RFX2: variants seen among roughly 807,000 people sequenced by gnomAD.
The protein encoded by RFX2 is regulatory factor X2.
In RFX2, 20 loss-of-function variants were observed where a neutral mutation model predicts 87.8. The ratio of observed to expected loss-of-function variants is 0.23; its 90% CI spans 0.16 to 0.33. The LOEUF (loss-of-function observed/expected upper bound fraction) is 0.33, where lower values mean the gene tolerates loss of function less well. Among genes scored for constraint, RFX2 ranks in the 10% least tolerant of loss-of-function variants. RFX2 has a pLI of 1.00. For synonymous variants in RFX2, 397 were observed against 431.3 expected, an observed-to-expected ratio of 0.92 and a Z score of 0.98; for missense variants, 767 against 1,012.3, an observed-to-expected ratio of 0.76 and a Z score of 3.29.
At chr19:6,104,036 G>A (rs559306482) in intron 1 of RFX2, among the ~76,000 whole-genome samples, 16 of 152,056 alleles carry the variant, frequency 1.1e-4, no homozygotes, top group South Asian at 4.2e-4. Flanking sequence ...TATTATTATC[G>A]ATTTCACAGA....
chr19:6,042,561 C>T (rs1481528624), intron 3 of RFX2, among the ~76,000 whole-genome samples: 1 of 152,084 alleles, frequency 6.6e-6, no homozygotes, highest in Middle Eastern at 3.2e-3. Context: ...CTCAAGCTGG[C>T]GTGCAGGCTG....
chr19:6,052,419 A>C (rs564177260), intron 1 of RFX2, among the ~76,000 whole-genome samples: 43 of 152,330 alleles, frequency 2.8e-4, no homozygotes, highest in Non-Finnish European at 5.7e-4. Context: ...GGAGGAAATA[A>C]ACAATCATAA....
chr19:6,012,592 C>T lies in RFX2; in HGVS notation c.899+394G>A, dbSNP rs972795616. Among the ~76,000 whole-genome samples, 3 of 151,578 alleles carry T rather than the reference C, an allele frequency of 2.0e-5. No individual in the cohort carries two copies. The highest frequency in any genetic ancestry group is 2.9e-5 in the Non-Finnish European group (2 of 67,946). On this transcript the variant is annotated intron_variant, in intron 8 of 17. Coordinates refer to ENST00000303657, the MANE Select transcript of RFX2 (RefSeq NM_000635.4). This position sits in a 1 kb window ranked among gnomAD's most constrained non-coding sequence, Gnocchi z 4.6. The stretch of plus-strand genomic sequence containing the variant: ...ACTCTGGGGGGTGATGCTGGCTCCG[C>T]GGAGGGTCACGGGTCATGAGCAATG...
At chr19:6,018,333 G>A (rs2086759178) in intron 6 of RFX2, among the ~76,000 whole-genome samples, 1 of 152,184 alleles carries the variant, frequency 6.6e-6, no homozygotes, top group African/African-American at 2.4e-5. Context: ...CCAGCGACCA[G>A]CACCTCAGAA....
rs1370015916 is a variant in RFX2 at position 6,022,061 on chromosome 19, G to GT, written c.597+4101dup. Among the ~76,000 whole-genome samples the GT allele has an allele frequency of 4.6e-5, 7 of 152,124 alleles. No individual in the cohort carries two copies. Among genetic ancestry groups the GT allele is most frequent in the Non-Finnish European group, 7.4e-5 (5 of 68,026 alleles). On this transcript the variant is annotated intron_variant, in intron 6 of 17. Transcript: ENST00000303657. This position sits in a 1 kb window ranked among gnomAD's most constrained non-coding sequence, Gnocchi z 6.2. ...AGCAAGGAGGCGAGGACGCAGTGGG[G>GT]TTGGGGGCCGAGCGCCTGGAAGATT...
intron 5 of RFX2, among the ~76,000 whole-genome samples, chr19:6,028,906 C>A (rs1379588572): frequency 1.3e-5 from 2 of 152,024 alleles, no homozygotes; most frequent in Non-Finnish European, 2.9e-5. Context: ...GAAACCCTGT[C>A]TCTACTAAAA....
intron 5 of RFX2, among the ~76,000 whole-genome samples, chr19:6,037,006 T>C (rs1298967054): frequency 6.6e-6 from 1 of 152,072 alleles, no homozygotes; most frequent in Non-Finnish European, 1.5e-5. Context: ...GAGTTCAGGC[T>C]GGGAAGGGTG....
intron 1 of RFX2, among the ~76,000 whole-genome samples, chr19:6,075,626 G>C (rs2087681375): frequency 6.6e-6 from 1 of 152,198 alleles, no homozygotes; most frequent in Non-Finnish European, 1.5e-5. Context: ...AGAGAATGGA[G>C]CTGCCCGGTG....
In RFX2 at chr19:6,040,261, C is replaced by A; in HGVS notation, c.261-20G>T. 1 of 1,521,864 alleles carries A rather than the reference C, an allele frequency of 6.6e-7. No homozygotes were observed. The highest frequency in any genetic ancestry group is 1.3e-5 in the South Asian group (1 of 78,196). The allele number at this position is 1,521,864 out of a possible 1,614,324, so 94.3% of individuals were successfully genotyped here. A position where few individuals can be genotyped will look rare whatever the true frequency, so the allele number is the denominator to read the frequency against. On this transcript the variant is annotated intron_variant, in intron 4 of 17. Coordinates refer to ENST00000303657, the MANE Select transcript of RFX2 (RefSeq NM_000635.4). This position sits in a 1 kb window ranked among gnomAD's most constrained non-coding sequence, Gnocchi z 6.1. ...GTTCGTCTGTTAGAAAGAGAGAAGT[C>A]ACGCATGGGACGCTGTCCCATTTAA... is the stretch of plus-strand genomic sequence containing the variant.
At position 6,013,973 on chromosome 19, in the gene RFX2, C is replaced by G. The variant is rs953747016; in HGVS notation, c.780-868G>C. Reference sequence around the variant, plus strand: ...ATTATTATTAACAACTCTTCCCCACCCCCTTCAATCATCTAGTAACACGTT... The same window carrying G: ...ATTATTATTAACAACTCTTCCCCACGCCCTTCAATCATCTAGTAACACGTT... On this transcript the variant is annotated intron_variant, in intron 7 of 17. Transcript: ENST00000303657. This position sits in a 1 kb window ranked among gnomAD's most constrained non-coding sequence, Gnocchi z 4.1. 5.9e-5 allele frequency among the ~76,000 whole-genome samples: 9 copies of G among 152,126 alleles called. No homozygotes were observed. Among genetic ancestry groups the G allele is most frequent in the African/African-American group, 2.2e-4 (9 of 41,400 alleles).
intron 12 of RFX2, among the ~76,000 whole-genome samples, chr19:6,005,360 C>A (rs539732837): frequency 1.2e-4 from 18 of 152,310 alleles, no homozygotes; most frequent in Middle Eastern, 3.4e-3. Flanking sequence ...CTGAGGGGCA[C>A]GGTCCATGGG....
At chr19:6,014,932 C>A (rs888841622) in intron 7 of RFX2, among the ~76,000 whole-genome samples, 1 of 152,252 alleles carries the variant, frequency 6.6e-6, no homozygotes, top group Non-Finnish European at 1.5e-5. Flanking sequence ...AGATGCCAAG[C>A]CTCGCTGGCC....
At chr19:6,028,042 A>G (rs1477608237) in intron 5 of RFX2, among the ~76,000 whole-genome samples, 2 of 152,210 alleles carry the variant, frequency 1.3e-5, no homozygotes, top group Admixed American at 1.3e-4. Flanking sequence ...GATTACAGGC[A>G]TAAGCTACCA....
chr19:6,012,855 G>T lies in RFX2; in HGVS notation c.899+131C>A. ...TAGACTCACCTCAGTCTCAGCAGAGGGGGATACCTTGGCTTTCCCAGGATG... is the reference window on the plus strand; with the variant it reads ...TAGACTCACCTCAGTCTCAGCAGAGTGGGATACCTTGGCTTTCCCAGGATG... On this transcript the variant is annotated intron_variant, in intron 8 of 17. Coordinates refer to ENST00000303657, the MANE Select transcript of RFX2 (RefSeq NM_000635.4). The surrounding 1 kb of genome is among the most constrained non-coding windows in gnomAD (Gnocchi z 4.6). The T allele has an allele frequency of 1.1e-6, 1 of 902,192 alleles. No homozygotes were observed. Among genetic ancestry groups the T allele is most frequent in the Non-Finnish European group, 1.5e-6 (1 of 650,080 alleles). 55.9% of individuals were successfully genotyped at this position (902,192 alleles called of 1,614,324 possible).
In RFX2 at chr19:6,001,310, T is replaced by G. The variant is rs1050960758; in HGVS notation, c.1859+505A>C. Among the ~76,000 whole-genome samples, 1 of 152,224 alleles carries G rather than the reference T, an allele frequency of 6.6e-6. No individual in the cohort carries two copies. The highest frequency in any genetic ancestry group is 2.4e-5 in the African/African-American group (1 of 41,448). On this transcript the variant is annotated intron_variant, in intron 15 of 17. Coordinates refer to ENST00000303657, the MANE Select transcript of RFX2 (RefSeq NM_000635.4). This position sits in a 1 kb window ranked among gnomAD's most constrained non-coding sequence, Gnocchi z 5.6. ...TGGGGTCTTGCTCTGTCACTCAGGC[T>G]AGGGTACAGTGGTGCAATCTTGGCT...
At position 6,061,613 on chromosome 19, in the gene RFX2, C is replaced by T. The variant is rs188288375; in HGVS notation, c.-8-14109G>A. Among the ~76,000 whole-genome samples, 190 of 152,284 alleles carry T rather than the reference C, an allele frequency of 1.2e-3. 1 individual carries two copies. The highest frequency in any genetic ancestry group is 4.3e-3 in the African/African-American group (180 of 41,546). Reference sequence around the variant, plus strand: ...CCGCCTCTGGATCTTACTGGGGAGTCGGCTGCAGCCGGGGGAAAAAGACTT... The same window carrying T: ...CCGCCTCTGGATCTTACTGGGGAGTTGGCTGCAGCCGGGGGAAAAAGACTT... On this transcript the variant is annotated intron_variant, in intron 1 of 17. Coordinates refer to ENST00000303657, the MANE Select transcript of RFX2 (RefSeq NM_000635.4). This position sits in a 1 kb window ranked among gnomAD's most constrained non-coding sequence, Gnocchi z 5.2.
chr19:6,003,778 C>CAAAAAAAAAAAAA (rs57470328), intron 13 of RFX2, among the ~76,000 whole-genome samples: 1 of 41,970 alleles, frequency 2.4e-5, no homozygotes, highest in African/African-American at 7.4e-5. Context: ...GACTCTGTCT[C>CAAAAAAAAAAAAA]AAAAAAAAAA....
At chr19:6,032,574 G>A (rs2086966477) in intron 5 of RFX2, among the ~76,000 whole-genome samples, 2 of 152,202 alleles carry the variant, frequency 1.3e-5, no homozygotes, top group Non-Finnish European at 2.9e-5. Flanking sequence ...CTGAGAGGCT[G>A]GGGGAGGGAG....
chr19:6,036,120 T>C (rs1423347245), intron 5 of RFX2, among the ~76,000 whole-genome samples: 1 of 152,214 alleles, frequency 6.6e-6, no homozygotes, highest in Non-Finnish European at 1.5e-5. Context: ...CTAAGTCAAA[T>C]GTGCCACATT....
Sources: gnomAD v4.1 joint callset for allele counts (sites outside exome capture counted in the v4.1 genomes callset) on GRCh38, gnomAD v4.1.1 for gene constraint, Gnocchi (gnomAD v3.1) non-coding constraint, MANE v1.5 for transcripts, NCBI Gene and HGNC (gene_info 2026-07-23, HGNC 2026-07-21) for gene names.